The following RABL3 variants were observed in gnomAD, a reference collection of about 807,000 sequenced individuals.
RABL3 encodes the protein RAB, member of RAS oncogene family like 3.
In RABL3, 31 loss-of-function variants were observed where a neutral mutation model predicts 31.8. The ratio of observed to expected loss-of-function variants is 0.97; its 90% CI spans 0.73 to 1.31. The LOEUF (loss-of-function observed/expected upper bound fraction) is 1.31, where lower values mean the gene tolerates loss of function less well. Ranked by LOEUF, RABL3 falls within the 40% of genes most tolerant of loss-of-function variation. The pLI, the probability that RABL3 is intolerant of heterozygous loss-of-function variation, is 0.00. For synonymous variants in RABL3, 97 were observed against 99.9 expected, an observed-to-expected ratio of 0.97 and a Z score of 0.18; for missense variants, 263 against 279.6, an observed-to-expected ratio of 0.94 and a Z score of 0.42.
chr3:120,730,808 C>G, intron 1 of RABL3, 21 bp from the exon 2 acceptor site: 1 of 1,513,774 alleles, frequency 6.6e-7, no homozygotes. Context: ...TACAAGAACT[C>G]TAGTCACATA....
At chr3:120,701,736 C>T (rs1163556703) in intron 4 of RABL3, among the ~76,000 whole-genome samples, 6 of 152,148 alleles carry the variant, frequency 3.9e-5, no homozygotes, top group African/African-American at 1.4e-4. Flanking sequence ...TTAGGTTTCA[C>T]ATAACAATTA....
At chr3:120,710,080 T>C (rs1708595993) in intron 2 of RABL3, among the ~76,000 whole-genome samples, 171 bp from the exon 3 acceptor site, 1 of 152,070 alleles carries the variant, frequency 6.6e-6, no homozygotes, top group African/African-American at 2.4e-5. Context: ...CAGAGGACCT[T>C]ATAGTTAATT....
At chr3:120,694,788 T>A (rs1254710471) in intron 5 of RABL3, among the ~76,000 whole-genome samples, 2 of 152,034 alleles carry the variant, frequency 1.3e-5, no homozygotes, top group African/African-American at 4.8e-5. Flanking sequence ...TTTTTGGTAA[T>A]AAACATCTAC....
intron 2 of RABL3, among the ~76,000 whole-genome samples, chr3:120,717,166 G>T (rs112863813): frequency 1.1e-3 from 172 of 151,602 alleles, no homozygotes; most frequent in Non-Finnish European, 2.1e-3. Flanking sequence ...TGAGGCAGGA[G>T]AATCGCTTGA....
intron 3 of RABL3, among the ~76,000 whole-genome samples, chr3:120,707,114 T>C (rs1475633421): frequency 6.6e-6 from 1 of 151,972 alleles, no homozygotes; most frequent in African/African-American, 2.4e-5. Context: ...CTTCAAGAGG[T>C]GGTATGTGTC....
intron 3 of RABL3, among the ~76,000 whole-genome samples, chr3:120,709,243 T>C (rs1422431413): frequency 2.6e-5 from 4 of 152,084 alleles, no homozygotes; most frequent in African/African-American, 9.7e-5. Flanking sequence ...TGTCGTATAT[T>C]ACACAGCTCC....
At chr3:120,716,780 C>T (rs1708675390) in intron 2 of RABL3, among the ~76,000 whole-genome samples, 1 of 152,142 alleles carries the variant, frequency 6.6e-6, no homozygotes, top group Admixed American at 6.5e-5. Context: ...GGTAACAGTG[C>T]TCTCCCAAGT....
intron 1 of RABL3, 33 bp from the exon 2 acceptor site, chr3:120,730,820 G>A (rs1708874562): frequency 7.1e-7 from 1 of 1,404,902 alleles, no homozygotes; most frequent in African/African-American, 1.4e-5. Context: ...AGTCACATAA[G>A]AGACAAGGCT....
intron 1 of RABL3, 113 bp downstream of exon 1, chr3:120,742,349 G>A (rs780736328): frequency 3.9e-5 from 38 of 973,352 alleles, no homozygotes; most frequent in Non-Finnish European, 5.4e-5. Flanking sequence ...GGCCCTGGGA[G>A]GGACTTCAGC....
chr3:120,702,989 T>G (rs1204823450), intron 4 of RABL3, among the ~76,000 whole-genome samples: 1 of 152,154 alleles, frequency 6.6e-6, no homozygotes, highest in East Asian at 1.9e-4. Flanking sequence ...ATGAGAAAAT[T>G]TGGCCTGGGG....
intron 2 of RABL3, among the ~76,000 whole-genome samples, chr3:120,730,455 C>T (rs1038703470): frequency 6.6e-6 from 1 of 152,134 alleles, no homozygotes; most frequent in African/African-American, 2.4e-5. Flanking sequence ...TCTGTGGCAT[C>T]AGAAAAACTG....
intron 1 of RABL3, among the ~76,000 whole-genome samples, chr3:120,735,335 G>C (rs1363130239): frequency 6.6e-6 from 1 of 152,170 alleles, no homozygotes; most frequent in Non-Finnish European, 1.5e-5. Context: ...TTTGCGTAGA[G>C]GTGTTTTTAG....
rs900784612 is a variant in RABL3 at position 120,688,495 on chromosome 3, T to C, written c.*1328A>G. On this transcript the variant is annotated 3_prime_UTR_variant, in exon 8 of 8. Coordinates refer to ENST00000273375, the MANE Select transcript of RABL3 (RefSeq NM_173825.5). ...CTTATTTTAATATCCTCTTGCAGCA[T>C]ACCTTGATTTCCAAGATACTTCTGA... The C allele has an allele frequency of 2.0e-5, 3 of 152,378 alleles. No homozygotes were observed. Among genetic ancestry groups the C allele is most frequent in the African/African-American group, 7.2e-5 (3 of 41,570 alleles). The allele number at this position is 152,378 out of a possible 1,614,324, so 9.4% of individuals were successfully genotyped here.
chr3:120,708,247 A>G (rs1361996897), intron 3 of RABL3, among the ~76,000 whole-genome samples: 1 of 151,992 alleles, frequency 6.6e-6, no homozygotes, highest in Non-Finnish European at 1.5e-5. Flanking sequence ...ATGGAAATAT[A>G]TTTCAGTCTT....
intron 1 of RABL3, among the ~76,000 whole-genome samples, chr3:120,737,881 T>A (rs999473061): frequency 1.3e-5 from 2 of 152,224 alleles, no homozygotes; most frequent in African/African-American, 4.8e-5. Flanking sequence ...CATTCATTCC[T>A]CTGGAAGCTT....
intron 1 of RABL3, among the ~76,000 whole-genome samples, chr3:120,734,450 C>T (rs550542053): frequency 3.9e-5 from 6 of 152,258 alleles, no homozygotes; most frequent in South Asian, 2.1e-4. Context: ...TGGGCTGAGA[C>T]GATGGGGTTT....
intron 5 of RABL3, among the ~76,000 whole-genome samples, chr3:120,696,368 C>T (rs973069151): frequency 6.6e-6 from 1 of 152,086 alleles, no homozygotes; most frequent in East Asian, 1.9e-4. Flanking sequence ...CTTTTTGAAA[C>T]TCTTGTATTC....
intron 2 of RABL3, among the ~76,000 whole-genome samples, chr3:120,724,354 C>CATGAAA (rs1708789581): frequency 6.6e-6 from 1 of 152,166 alleles, no homozygotes; most frequent in Non-Finnish European, 1.5e-5. Flanking sequence ...GAATCAATAT[C>CATGAAA]ATGAAAATGG....
intron 1 of RABL3, among the ~76,000 whole-genome samples, chr3:120,733,306 A>G (rs1259393948): frequency 6.6e-6 from 1 of 152,252 alleles, no homozygotes; most frequent in East Asian, 1.9e-4. Flanking sequence ...CATTTCTCTG[A>G]TGGCCAGTGA....
Sources: allele counts gnomAD v4.1 joint callset (sites outside exome capture counted in the v4.1 genomes callset), GRCh38; gene constraint gnomAD v4.1.1; transcripts MANE v1.5; gene names NCBI Gene and HGNC (gene_info 2026-07-23, HGNC 2026-07-21).